The following LONP2 variants were observed in gnomAD, a reference collection of about 807,000 sequenced individuals.
The protein encoded by LONP2 is lon protease homolog 2, peroxisomal.
Under a neutral mutation model 85.6 loss-of-function variants are expected in LONP2, and 60 were observed. The observed-to-expected ratio is 0.70, with a 90% confidence interval of 0.57 to 0.87. The LOEUF (loss-of-function observed/expected upper bound fraction) is 0.87. LONP2 is among the 40% of genes least tolerant of loss of function. The probability of loss-of-function intolerance (pLI) is 0.00; values close to 1 mark genes in which losing one functional copy is unlikely to be tolerated. For missense variants in LONP2, 860 were observed against 1,063.5 expected (o/e 0.81, Z 2.66); for synonymous variants, 395 against 389.7 (o/e 1.01, Z -0.16).
At chr16:48,314,190 A>C (rs1225937250) in intron 11 of LONP2, among the ~76,000 whole-genome samples, 1 of 149,622 alleles carries the variant, frequency 6.7e-6, no homozygotes, top group African/African-American at 2.5e-5. Flanking sequence ...TTCCTGGTAG[A>C]CTCTAGATAC....
intron 12 of LONP2, among the ~76,000 whole-genome samples, chr16:48,347,155 A>AAC (rs1555485643): frequency 2.0e-5 from 3 of 152,074 alleles, no homozygotes; most frequent in Admixed American, 6.6e-5. Context: ...ACTGTCTCAA[A>AAC]ATATATATAT....
Position 48,355,829 on chromosome 16 carries a change from AATT to A in LONP2, c.*4032_*4034del, listed in dbSNP as rs1308700552. ...AAATAAGCTGGATTTTTTTATTGAA[AATT>A]ATTAACTCTAGAAATTTTAGTTTAA... On this transcript the variant is annotated 3_prime_UTR_variant, in exon 15 of 15. Transcript: ENST00000285737. The A allele has an allele frequency of 1.3e-5, 2 of 152,192 alleles. No homozygotes were observed. Among genetic ancestry groups the A allele is most frequent in the African/African-American group, 4.8e-5 (2 of 41,440 alleles). 9.4% of individuals were successfully genotyped at this position (152,192 alleles called of 1,614,324 possible).
At chr16:48,340,069 G>T (rs1259033837) in intron 12 of LONP2, among the ~76,000 whole-genome samples, 1 of 152,216 alleles carries the variant, frequency 6.6e-6, no homozygotes, top group East Asian at 1.9e-4. Flanking sequence ...GGCTGGGGCA[G>T]AAAGGAAGGA....
At chr16:48,344,183 C>T (rs932114060) in intron 12 of LONP2, 2 of 152,186 alleles carry the variant, frequency 1.3e-5, no homozygotes. Context: ...CCTGTACCTT[C>T]ATTTTTACTT....
chr16:48,260,666 G>A (rs1971856375), intron 4 of LONP2, among the ~76,000 whole-genome samples: 1 of 152,178 alleles, frequency 6.6e-6, no homozygotes, highest in Non-Finnish European at 1.5e-5. Context: ...AGTAGTGGTT[G>A]TTTATTCATG....
chr16:48,259,874 T>TA (rs757804487), intron 4 of LONP2, among the ~76,000 whole-genome samples: 89 of 152,350 alleles, frequency 5.8e-4, no homozygotes, highest in Non-Finnish European at 1.1e-3. Context: ...AACTGCAACT[T>TA]ACTCTCAGTA....
At chr16:48,361,416 C>T, downstream of LONP2, 1 of 636,234 alleles carries the variant, frequency 1.6e-6, no homozygotes, top group South Asian at 2.0e-5. Flanking sequence ...ATTAGTGTTA[C>T]TACATGCAAC....
intron 12 of LONP2, among the ~76,000 whole-genome samples, chr16:48,338,575 T>C (rs971410338): frequency 6.6e-6 from 1 of 152,116 alleles, no homozygotes. Flanking sequence ...GGAGAGAGTG[T>C]TGCAAAGAAA....
chr16:48,312,945 C>T (rs1295450056), intron 11 of LONP2, among the ~76,000 whole-genome samples: 1 of 152,192 alleles, frequency 6.6e-6, no homozygotes, highest in Non-Finnish European at 1.5e-5. Context: ...GCCAGGCAGG[C>T]TGGACCAGCC....
At position 48,362,388 on chromosome 16, in the gene LONP2, G is replaced by C; in HGVS notation, c.*525G>C. 6.2e-7 allele frequency: 1 copy of C among 1,614,140 alleles called. No homozygotes were observed. The highest frequency in any genetic ancestry group is 8.5e-7 in the Non-Finnish European group (1 of 1,179,992). On this transcript the variant is annotated 3_prime_UTR_variant, in exon 5 of 5. Transcript: ENST00000565867. The surrounding 1 kb of genome is among the most constrained non-coding windows in gnomAD (Gnocchi z 4.2). ...CACCCTCTGGGATGGTGGACACTTCGAGGTACCGGTAGGTAATGCTGTAGC... is the reference window on the plus strand; with the variant it reads ...CACCCTCTGGGATGGTGGACACTTCCAGGTACCGGTAGGTAATGCTGTAGC...
intron 8 of LONP2, among the ~76,000 whole-genome samples, chr16:48,294,678 G>A (rs1022545938): frequency 6.6e-6 from 1 of 152,056 alleles, no homozygotes; most frequent in Non-Finnish European, 1.5e-5. Context: ...AGATTGTAGT[G>A]AGCTGAGACC....
chr16:48,269,603 A>G (rs927239104), intron 6 of LONP2, among the ~76,000 whole-genome samples: 1 of 152,214 alleles, frequency 6.6e-6, no homozygotes, highest in South Asian at 2.1e-4. Flanking sequence ...GCATGAGATT[A>G]TGGGTAACTG....
chr16:48,282,887 T>C (rs1321422454), intron 8 of LONP2, among the ~76,000 whole-genome samples: 2 of 152,228 alleles, frequency 1.3e-5, no homozygotes, highest in East Asian at 3.8e-4. Flanking sequence ...AAGCTAGGCC[T>C]CTTGTGCCAG....
intron 8 of LONP2, 40 bp from the exon 9 acceptor site, chr16:48,295,975 C>T (rs778174733): frequency 1.4e-5 from 22 of 1,602,076 alleles, no homozygotes; most frequent in South Asian, 5.5e-5. Flanking sequence ...CTTCTGTTGG[C>T]ACTACTAAAG....
intron 11 of LONP2, among the ~76,000 whole-genome samples, chr16:48,331,728 C>CTAATTTTTTG (rs1959460687): frequency 1.3e-5 from 2 of 152,110 alleles, no homozygotes; most frequent in African/African-American, 4.8e-5. Flanking sequence ...CCACGCCCAG[C>CTAATTTTTTG]TAATTTTTTG....
intron 1 of LONP2, among the ~76,000 whole-genome samples, chr16:48,250,252 G>A (rs879606634): frequency 6.6e-6 from 1 of 151,874 alleles, no homozygotes; most frequent in Non-Finnish European, 1.5e-5. Flanking sequence ...GGAGGCCAAG[G>A]TGGGCGAATC....
intron 5 of LONP2, 147 bp downstream of exon 5, chr16:48,261,734 C>G: frequency 1.9e-6 from 1 of 540,418 alleles, no homozygotes; most frequent in Non-Finnish European, 3.1e-6. Flanking sequence ...ATAACTCTTG[C>G]AGCTGCCTTT....
intron 5 of LONP2, 42 bp from the exon 6 acceptor site, chr16:48,262,736 C>G (rs1255027488): frequency 1.6e-6 from 2 of 1,267,724 alleles, no homozygotes; most frequent in Non-Finnish European, 2.2e-6. Context: ...TGGAATTTTT[C>G]TGTGTTCTTG....
intron 1 of LONP2, chr16:48,247,524 C>G (rs1466297764): frequency 1.6e-4 from 2 of 12,438 alleles, no homozygotes; most frequent in South Asian, 3.2e-3. Context: ...CAGTCCCTTT[C>G]TGCACGTTAG....
Sources: allele counts gnomAD v4.1 joint callset (sites outside exome capture counted in the v4.1 genomes callset), GRCh38; gene constraint gnomAD v4.1.1; non-coding constraint Gnocchi (gnomAD v3.1); transcripts MANE v1.5; gene names NCBI Gene and HGNC (gene_info 2026-07-23, HGNC 2026-07-21).